Variants in ALS2 observed in about 807,000 individuals in gnomAD.
ALS2 encodes alsin Rho guanine nucleotide exchange factor ALS2, also known as alsin.
ALS2 carries 117 observed loss-of-function variants against 203.4 expected under a neutral mutation model. The observed-to-expected ratio is 0.58, with a 90% CI of 0.50 to 0.67. ALS2 has a LOEUF of 0.67. Ranked by LOEUF, ALS2 falls within the 30% of genes least tolerant of loss-of-function variation. ALS2 has a pLI of 0.00. For missense variants in ALS2, 1,715 were observed against 1,989.4 expected, an observed-to-expected ratio of 0.86 and a Z score of 2.62; for synonymous variants, 718 against 725.9, an observed-to-expected ratio of 0.99 and a Z score of 0.17.
chr2:201,754,169 T>C (rs1157639978), intron 6 of ALS2, among the ~76,000 whole-genome samples: 1 of 152,038 alleles, frequency 6.6e-6, no homozygotes, highest in East Asian at 1.9e-4. Flanking sequence ...CCCACCACCA[T>C]GCCCAGCTAA....
intron 8 of ALS2, among the ~76,000 whole-genome samples, chr2:201,747,536 C>T (rs1017376027): frequency 6.6e-6 from 1 of 150,518 alleles, no homozygotes; most frequent in African/African-American, 2.4e-5. Flanking sequence ...CTGCAAACTC[C>T]ACCTCCCGGG....
chr2:201,719,579 C>T (rs1244873927), intron 23 of ALS2, among the ~76,000 whole-genome samples: 1 of 151,452 alleles, frequency 6.6e-6, no homozygotes, highest in African/African-American at 2.4e-5. Context: ...ACAGACAAGA[C>T]TCCGTCTCGA....
rs772918575 is a variant in ALS2 at position 201,705,191 on chromosome 2, T to C, written c.4636A>G (p.Thr1546Ala). Reference sequence around the variant, plus strand: ...GAGGCAAAACAAGCATCTTTCGTGGTTGGCAAAACCTGCAAAAAAGAGAGT... The same window carrying C: ...GAGGCAAAACAAGCATCTTTCGTGGCTGGCAAAACCTGCAAAAAAGAGAGT... ...ILGESKKVLP[T>A]TKDACFASAV... The change falls in exon 31 of 34, where the codon ACC becomes GCC. Residue 1546 changes from threonine (T) to alanine (A), a missense_variant. Physicochemically the swap from Thr to Ala is moderately conservative, Grantham distance 58. This residue lies in a region of ALS2 where 1,227 missense variants were observed against 1,413.5 expected (regional missense o/e 0.87). Coordinates refer to ENST00000264276, the MANE Select transcript of ALS2 (RefSeq NM_020919.4). The C allele has an allele frequency of 8.1e-6, 13 of 1,613,998 alleles. No individual in the cohort carries two copies. In the South Asian group the frequency reaches 1.1e-4, roughly 14 times the overall value.
At chr2:201,708,126 G>GT in intron 27 of ALS2, 135 bp from the exon 28 acceptor site, 1 of 732,266 alleles carries the variant, frequency 1.4e-6, no homozygotes, top group Non-Finnish European at 2.3e-6. Context: ...GAAAACTGAT[G>GT]TTTCTAACAG....
Position 201,715,711 on chromosome 2 carries a change from G to C in ALS2, c.3965C>G (p.Ala1322Gly). The C allele has an allele frequency of 6.2e-7, 1 of 1,614,202 alleles. No individual in the cohort carries two copies. Among genetic ancestry groups the C allele is most frequent in the East Asian group, 2.2e-5 (1 of 44,874 alleles). ...GCGCCGACTGGTGGTCAAGGCCACA[G>C]CAATATTGTCCCATGCTTTCCAAAC... ...GEVWKAWDNI[A>G]VALTTSRRQH... The change falls in exon 25 of 34, where the codon GCT (alanine) becomes GGT (glycine). Residue 1322 changes from alanine (A) to glycine (G), a missense_variant. Around this residue, in one of 3 missense-constraint regions of ALS2, gnomAD observed 1,227 missense variants for 1,413.5 expected, o/e 0.87. Coordinates refer to ENST00000264276, the MANE Select transcript of ALS2 (RefSeq NM_020919.4).
intron 3 of ALS2, among the ~76,000 whole-genome samples, chr2:201,764,113 C>A (rs1327465438): frequency 6.6e-6 from 1 of 152,118 alleles, no homozygotes; most frequent in Non-Finnish European, 1.5e-5. Flanking sequence ...AAGATATGTG[C>A]ATTTATTAGG....
chr2:201,717,723 C>T (rs562313518), intron 24 of ALS2, among the ~76,000 whole-genome samples: 22 of 151,702 alleles, frequency 1.5e-4, no homozygotes, highest in African/African-American at 4.8e-4. Flanking sequence ...GCAGGAGGAT[C>T]GCTTAAGCTC....
chr2:201,728,704 AAAT>A (rs1272901361), intron 14 of ALS2, 64 bp from the exon 15 acceptor site: 1 of 1,564,148 alleles, frequency 6.4e-7, no homozygotes, highest in African/African-American at 1.4e-5. Flanking sequence ...TGTAAAGAGA[AAAT>A]AAAACAGACA....
chr2:201,716,858 A>C (rs1335539372), intron 24 of ALS2: 1 of 152,202 alleles, frequency 6.6e-6, no homozygotes, highest in Non-Finnish European at 1.5e-5. Context: ...CTCTAAGAAT[A>C]AACATGGTAC....
intron 12 of ALS2, 23 bp from the exon 13 acceptor site, chr2:201,733,461 T>A (rs553858846): frequency 8.7e-5 from 140 of 1,603,882 alleles, no homozygotes; most frequent in African/African-American, 8.6e-4. Flanking sequence ...GAAAAAAAAA[T>A]TTAGTTAATC....
intron 20 of ALS2, 59 bp from the exon 21 acceptor site, chr2:201,724,518 T>C (rs1691024204): frequency 1.3e-6 from 2 of 1,576,440 alleles, no homozygotes; most frequent in Non-Finnish European, 1.7e-6. Flanking sequence ...TGCTCATTTT[T>C]ACAAAGTTTA....
intron 23 of ALS2, among the ~76,000 whole-genome samples, chr2:201,719,674 T>C (rs553612214): frequency 2.6e-5 from 4 of 152,366 alleles, no homozygotes; most frequent in South Asian, 4.1e-4. Flanking sequence ...TCTTTTGCTA[T>C]GTGAGGCCTC....
chr2:201,741,538 A>T, intron 11 of ALS2, 136 bp downstream of exon 11: 1 of 945,680 alleles, frequency 1.1e-6, no homozygotes, highest in Non-Finnish European at 1.6e-6. Flanking sequence ...TAGTTGGCTT[A>T]AGATTAAAAT....
In ALS2 at chr2:201,746,659, T is replaced by C. The variant is rs1398530902; in HGVS notation, c.1905A>G (p.Leu635=). The C allele has an allele frequency of 1.2e-6, 2 of 1,614,032 alleles. No homozygotes were observed. Among genetic ancestry groups the C allele is most frequent in the Non-Finnish European group, 1.7e-6 (2 of 1,180,028 alleles). The change falls in exon 9 of 34, where the codon TTA becomes TTG. Residue 635 remains leucine, a synonymous_variant. Coordinates refer to ENST00000264276, the MANE Select transcript of ALS2 (RefSeq NM_020919.4). ...LVDTEDFQPG[L]YYSGRQDPTE... ...TAGGGTCCTGTCGGCCACTGTAATA[T>C]AACCCAGGCTGGAAGTCTTCTGTAT...
At position 201,727,215 on chromosome 2, in the gene ALS2, T is replaced by C; in HGVS notation, c.2976A>G (p.Glu992=). The part of the protein sequence containing the change: ...QFTLISSTPQ[E]KTKWLRAISQ... ...GAAAATACCATAATAGACTAACCTT[T>C]TCCTGGGGTGTAGATGAAATGAGAG... Residue 992 remains glutamate, a synonymous_variant, in exon 17 of 34, where the codon GAA becomes GAG. Transcript: ENST00000264276. The C allele has an allele frequency of 6.2e-7, 1 of 1,612,538 alleles. No individual in the cohort carries two copies. The highest frequency in any genetic ancestry group is 8.5e-7 in the Non-Finnish European group (1 of 1,178,522).
intron 27 of ALS2, among the ~76,000 whole-genome samples, chr2:201,709,590 A>G (rs1182439391): frequency 6.6e-6 from 1 of 152,218 alleles, no homozygotes; most frequent in African/African-American, 2.4e-5. Context: ...TTGCCTAGAG[A>G]CTGAATCTAA....
chr2:201,727,141 T>G, intron 17 of ALS2, 71 bp downstream of exon 17: 2 of 1,345,590 alleles, frequency 1.5e-6, no homozygotes, highest in Non-Finnish European at 2.1e-6. Context: ...CAATTTATAT[T>G]TCTTCTTTAT....
At position 201,733,401 on chromosome 2, in the gene ALS2, A is replaced by T; in HGVS notation, c.2455T>A (p.Leu819Met). 1 of 1,613,804 alleles carries T rather than the reference A, an allele frequency of 6.2e-7. No individual in the cohort carries two copies. Residue 819 changes from leucine to methionine, a missense_variant, in exon 13 of 34, where the codon TTG (leucine) becomes ATG (methionine). By Grantham distance (15) the Leu-to-Met change is conservative. Transcript: ENST00000264276. Reference protein sequence around the residue: ...LNKNQELLQDLSEVNDENTQL... With the variant: ...LNKNQELLQDMSEVNDENTQL... ...GTGTTTTCGTCATTCACTTCTGACA[A>T]ATCTTGCAACAGCTCTTGGTTTTTA...
chr2:201,772,850 A>ATTTTTTTTTT (rs578253808), intron 1 of ALS2, among the ~76,000 whole-genome samples: 2 of 108,846 alleles, frequency 1.8e-5, no homozygotes, highest in African/African-American at 3.6e-5. Flanking sequence ...TGCTTTCATG[A>ATTTTTTTTTT]TTTTTTTTTT....
Sources: allele counts gnomAD v4.1 joint callset (sites outside exome capture counted in the v4.1 genomes callset), GRCh38; gene constraint gnomAD v4.1.1; regional missense constraint gnomAD v4.1.1; transcripts MANE v1.5; gene names NCBI Gene and HGNC (gene_info 2026-07-23, HGNC 2026-07-21).